KAZN: variants seen among roughly 807,000 people sequenced by gnomAD.
KAZN encodes the protein kazrin.
A neutral mutation model predicts 87.4 loss-of-function variants in KAZN; 40 were observed. The observed-to-expected ratio is 0.46, with a 90% CI of 0.36 to 0.60. The LOEUF (loss-of-function observed/expected upper bound fraction) is 0.60. Ranked by LOEUF, KAZN falls within the 20% of genes least tolerant of loss-of-function variation. The pLI, the probability that KAZN is intolerant of heterozygous loss-of-function variation, is 0.00. For missense variants in KAZN, 898 were observed against 1,073.9 expected (o/e 0.84, Z 2.29); for synonymous variants, 466 against 458.3 (o/e 1.02, Z -0.22).
At chr1:14,875,215 C>T (rs192336023) in intron 1 of KAZN, among the ~76,000 whole-genome samples, 15 of 151,588 alleles carry the variant, frequency 9.9e-5, no homozygotes, top group Admixed American at 8.6e-4. Flanking sequence ...CCTGTAATCC[C>T]GGCTACTCAG....
intron 8 of KAZN, among the ~76,000 whole-genome samples, chr1:15,082,942 T>C (rs1440887626): frequency 6.6e-6 from 1 of 152,144 alleles, no homozygotes; most frequent in Non-Finnish European, 1.5e-5. Context: ...TACCTCTGCA[T>C]TTTTAACCAC....
chr1:13,931,238 A>G lies in KAZN; in HGVS notation c.91+37482A>G, dbSNP rs148740590. ...TCTGCAAAATAAAAACAGTCACACT[A>G]TTTTTATTACACAGCTGTAATGGTC... is the stretch of plus-strand genomic sequence containing the variant. On this transcript the variant is annotated intron_variant, in intron 1 of 16. Transcript: ENST00000636203. 1.8e-4 allele frequency among the ~76,000 whole-genome samples: 27 copies of G among 152,340 alleles called. No homozygotes were observed. The East Asian group carries it at 5.0e-3, about 28-fold the overall frequency.
chr1:14,323,085 A>G (rs1656158025), intron 2 of KAZN, among the ~76,000 whole-genome samples: 1 of 152,174 alleles, frequency 6.6e-6, no homozygotes, highest in Non-Finnish European at 1.5e-5. Flanking sequence ...CAAGAACAGC[A>G]TGAGGAAAAT....
chr1:15,023,567 A>G (rs55995678), intron 2 of KAZN, among the ~76,000 whole-genome samples: 51,975 of 151,874 alleles, frequency 0.34, 9,043 homozygotes, highest in Middle Eastern at 0.38. Flanking sequence ...CAGGACCTGG[A>G]GACAGATCTT....
intron 2 of KAZN, among the ~76,000 whole-genome samples, chr1:14,210,821 A>G (rs1646839002): frequency 6.6e-6 from 1 of 152,170 alleles, no homozygotes; most frequent in Non-Finnish European, 1.5e-5. Context: ...ATATTTCTGC[A>G]AATCTCTTTA....
intron 2 of KAZN, among the ~76,000 whole-genome samples, chr1:14,998,380 CAG>C (rs1668116965): frequency 6.7e-6 from 1 of 149,638 alleles, no homozygotes. Context: ...CCACCTGAGG[CAG>C]AGAGGAGAGG....
At chr1:14,017,445 A>G (rs776963872) in intron 1 of KAZN, among the ~76,000 whole-genome samples, 2 of 152,242 alleles carry the variant, frequency 1.3e-5, no homozygotes, top group South Asian at 2.1e-4. Flanking sequence ...AACACTTGCT[A>G]TATTCCAGAC....
chr1:14,395,151 A>C (rs1177113209), intron 2 of KAZN, among the ~76,000 whole-genome samples: 1 of 151,956 alleles, frequency 6.6e-6, no homozygotes, highest in Non-Finnish European at 1.5e-5. Flanking sequence ...GGAGGAGAGA[A>C]GAAAAAAGAG....
intron 1 of KAZN, chr1:14,924,715 C>A: frequency 2.9e-6 from 1 of 343,066 alleles, no homozygotes; most frequent in Non-Finnish European, 4.1e-6. Flanking sequence ...GCCCCGAGCC[C>A]CGGGCGGGTG....
chr1:14,819,169 T>C (rs1398336970), intron 1 of KAZN, among the ~76,000 whole-genome samples: 3 of 152,160 alleles, frequency 2.0e-5, no homozygotes, highest in South Asian at 2.1e-4. Context: ...CAACTAATGA[T>C]GGGCTAACTT....
chr1:14,229,800 G>C (rs1199345016), intron 2 of KAZN, among the ~76,000 whole-genome samples: 1 of 152,264 alleles, frequency 6.6e-6, no homozygotes, highest in African/African-American at 2.4e-5. Flanking sequence ...TCTACAGGAA[G>C]ATGTTCTGAA....
chr1:14,898,126 C>T (rs1212573844), intron 1 of KAZN, among the ~76,000 whole-genome samples: 1 of 152,132 alleles, frequency 6.6e-6, no homozygotes, highest in African/African-American at 2.4e-5. Context: ...CAGTTATAAG[C>T]GAGAATCCAT....
chr1:14,542,292 T>C, intron 2 of KAZN, among the ~76,000 whole-genome samples: 1 of 78,402 alleles, frequency 1.3e-5, no homozygotes, highest in South Asian at 4.9e-4. Flanking sequence ...CGGGGACTGT[T>C]GTGGGGTGGG....
intron 2 of KAZN, among the ~76,000 whole-genome samples, chr1:14,246,493 T>C (rs1649527626): frequency 9.7e-6 from 1 of 102,574 alleles, no homozygotes. Context: ...ATATAATCTT[T>C]TTATTTTTTG....
chr1:14,371,202 T>A (rs80122113), intron 2 of KAZN, among the ~76,000 whole-genome samples: 1 of 152,070 alleles, frequency 6.6e-6, no homozygotes, highest in Non-Finnish European at 1.5e-5. Flanking sequence ...GCAAGCTACA[T>A]TTGGGACAAG....
At chr1:14,576,500 C>T (rs1675196464) in intron 2 of KAZN, among the ~76,000 whole-genome samples, 1 of 152,128 alleles carries the variant, frequency 6.6e-6, no homozygotes. Flanking sequence ...CTGATGGATG[C>T]ATGGACAAAT....
chr1:14,633,040 C>T (rs959044820), intron 1 of KAZN, among the ~76,000 whole-genome samples: 1 of 152,102 alleles, frequency 6.6e-6, no homozygotes, highest in African/African-American at 2.4e-5. Flanking sequence ...CCTCAGCCTC[C>T]TGACTAGCTG....
At chr1:14,900,023 ATCC>A (rs1655686958) in intron 1 of KAZN, among the ~76,000 whole-genome samples, 2 of 152,126 alleles carry the variant, frequency 1.3e-5, no homozygotes, top group African/African-American at 4.8e-5. Flanking sequence ...TTCAAAGCAG[ATCC>A]TTGGGACTCA....
At chr1:14,241,723 C>T (rs1365744367) in intron 2 of KAZN, among the ~76,000 whole-genome samples, 6 of 152,100 alleles carry the variant, frequency 3.9e-5, no homozygotes. Context: ...TGAGCAAGAC[C>T]ATAGTCAGGA....
Sources: allele counts gnomAD v4.1 joint callset (sites outside exome capture counted in the v4.1 genomes callset), GRCh38; gene constraint gnomAD v4.1.1; transcripts MANE v1.5; gene names NCBI Gene and HGNC (gene_info 2026-07-23, HGNC 2026-07-21).